The following PATJ variants were observed in gnomAD, a reference collection of about 807,000 sequenced individuals.
PATJ encodes the protein inaD-like protein.
Under a neutral mutation model 224.9 loss-of-function variants are expected in PATJ, and 190 were observed. The ratio of observed to expected loss-of-function variants is 0.84; its 90% CI spans 0.75 to 0.95. The LOEUF (loss-of-function observed/expected upper bound fraction) is 0.95. Ranked by LOEUF, PATJ falls within the 40% of genes least tolerant of loss-of-function variation. The pLI, the probability that PATJ is intolerant of heterozygous loss-of-function variation, is 0.00. For missense variants in PATJ, 2,121 were observed against 2,270.3 expected, an observed-to-expected ratio of 0.93 and a Z score of 1.34; for synonymous variants, 769 against 820.3, an observed-to-expected ratio of 0.94 and a Z score of 1.07.
In PATJ at chr1:61,767,113, G is replaced by A. The variant is rs187648409; in HGVS notation, c.384+640G>A. On this transcript the variant is annotated intron_variant, in intron 4 of 43. Transcript: ENST00000642238. ...TGGAAATTAGAACTAATGTAATTTG[G>A]AAAATCTAGAAAACATTTGGAAGGA... is the stretch of plus-strand genomic sequence containing the variant. 5.9e-4 allele frequency among the ~76,000 whole-genome samples: 90 copies of A among 152,132 alleles called. 1 individual carries two copies. The highest frequency in any genetic ancestry group is 2.1e-3 in the African/African-American group (87 of 41,520).
At chr1:61,886,055 A>T (rs1272012169) in intron 22 of PATJ, among the ~76,000 whole-genome samples, 10 of 152,082 alleles carry the variant, frequency 6.6e-5, no homozygotes, top group African/African-American at 2.2e-4. Flanking sequence ...GAGTGATAGC[A>T]TTAGGAGATA....
intron 17 of PATJ, among the ~76,000 whole-genome samples, chr1:61,855,404 A>C (rs952467179): frequency 6.6e-6 from 1 of 152,102 alleles, no homozygotes; most frequent in African/African-American, 2.4e-5. Context: ...GTGATGTTTT[A>C]TTTATTTATT....
At chr1:61,755,619 C>T (rs921731017) in intron 1 of PATJ, among the ~76,000 whole-genome samples, 3 of 152,128 alleles carry the variant, frequency 2.0e-5, no homozygotes, top group Admixed American at 6.5e-5. Flanking sequence ...AGGATAAAGA[C>T]CAGTCTGCTT....
chr1:61,857,068 C>G (rs971806198), intron 18 of PATJ, among the ~76,000 whole-genome samples: 2 of 152,118 alleles, frequency 1.3e-5, no homozygotes, highest in African/African-American at 4.8e-5. Flanking sequence ...TCAAGAACCC[C>G]TATAATGTCA....
chr1:62,106,001 TC>T (rs1662866311), intron 33 of PATJ, among the ~76,000 whole-genome samples: 1 of 126,104 alleles, frequency 7.9e-6, no homozygotes, highest in Non-Finnish European at 1.6e-5. Flanking sequence ...GGCAGGAGAA[TC>T]GCTTGAGCCC....
intron 13 of PATJ, among the ~76,000 whole-genome samples, chr1:61,807,627 T>C (rs1653857843): frequency 6.6e-6 from 1 of 152,222 alleles, no homozygotes; most frequent in South Asian, 2.1e-4. Flanking sequence ...TAGCATCTTG[T>C]ACCGAGGAAT....
At chr1:62,054,898 T>C (rs1199997284) in intron 31 of PATJ, among the ~76,000 whole-genome samples, 1 of 151,556 alleles carries the variant, frequency 6.6e-6, no homozygotes, top group Non-Finnish European at 1.5e-5. Flanking sequence ...CTACGAAAAA[T>C]ACAAAAATTA....
At chr1:61,967,117 G>A (rs12725290) in intron 27 of PATJ, among the ~76,000 whole-genome samples, 28,293 of 152,042 alleles carry the variant, frequency 0.19, 2,772 homozygotes, top group Non-Finnish European at 0.21. Flanking sequence ...AGTTGCTCTG[G>A]TTCAAACACC....
chr1:62,073,065 G>A (rs893555040), intron 31 of PATJ: 26 of 985,140 alleles, frequency 2.6e-5, no homozygotes, highest in Non-Finnish European at 3.0e-5. Flanking sequence ...TGGCAGATCA[G>A]CAGAAGGCAC....
intron 34 of PATJ, 130 bp downstream of exon 34, chr1:62,108,650 ATTCTTTTT>A: frequency 2.0e-6 from 1 of 510,992 alleles, no homozygotes; most frequent in Non-Finnish European, 3.5e-6. Flanking sequence ...TACTTATCAT[ATTCTTTTT>A]TTCTTCAGTG....
intron 28 of PATJ, among the ~76,000 whole-genome samples, chr1:62,017,223 G>A (rs1235920182): frequency 6.6e-6 from 1 of 152,058 alleles, no homozygotes; most frequent in African/African-American, 2.4e-5. Context: ...AACCCAGCCT[G>A]GGCAACATGG....
rs149436844 is a variant in PATJ at position 62,099,138 on chromosome 1, C to T, written c.4378-9299C>T. 7.6e-3 allele frequency among the ~76,000 whole-genome samples: 1,154 copies of T among 152,094 alleles called. 19 individuals are homozygous for T. The highest frequency in any genetic ancestry group is 0.026 in the African/African-American group (1,075 of 41,472). ...CCACCTCCGCCATATTATCAGCCCT[C>T]GTTGGTTTACGGCTTTCCTGCTGAG... On this transcript the variant is annotated intron_variant, in intron 33 of 43. Transcript: ENST00000642238.
At chr1:62,136,768 A>G (rs1666948560) in intron 41 of PATJ, among the ~76,000 whole-genome samples, 1 of 151,614 alleles carries the variant, frequency 6.6e-6, no homozygotes, top group Admixed American at 6.6e-5. Flanking sequence ...GCAGTGGCAC[A>G]ATCATGGCTC....
chr1:61,909,631 C>G (rs1295554665), intron 25 of PATJ, among the ~76,000 whole-genome samples: 1 of 152,110 alleles, frequency 6.6e-6, no homozygotes, highest in South Asian at 2.1e-4. Flanking sequence ...TGCCACTACA[C>G]CTGGTGAATT....
chr1:62,134,132 T>TTA, intron 41 of PATJ, among the ~76,000 whole-genome samples: 1 of 151,914 alleles, frequency 6.6e-6, no homozygotes, highest in Middle Eastern at 3.4e-3. Context: ...GAGTAGAGCA[T>TTA]TATTTAGGGA....
At chr1:61,754,812 C>T (rs1244306332) in intron 1 of PATJ, among the ~76,000 whole-genome samples, 2 of 151,986 alleles carry the variant, frequency 1.3e-5, no homozygotes, top group Non-Finnish European at 1.5e-5. Context: ...GTAGTCCCAG[C>T]GACTCAAGAG....
chr1:62,100,522 G>A (rs780444563), intron 33 of PATJ: 34 of 612,536 alleles, frequency 5.6e-5, no homozygotes, highest in African/African-American at 2.2e-4. Context: ...ACCCAATCAC[G>A]CCTTAAAGGT....
chr1:61,836,437 C>T (rs938495047), intron 17 of PATJ, among the ~76,000 whole-genome samples: 2 of 152,136 alleles, frequency 1.3e-5, no homozygotes, highest in Non-Finnish European at 2.9e-5. Context: ...TTCCTAAAGG[C>T]CATTTTGATT....
rs754426846 is a variant in PATJ at position 62,084,716 on chromosome 1, C to T, written c.4377+68C>T. On this transcript the variant is annotated intron_variant, in intron 33 of 43. Transcript: ENST00000642238. Reference sequence around the variant, plus strand: ...GTTGTTGAGGTTAATTTTGGCCCTGCGCCACAACTCTGCAAGACTTGCCTT... The same window carrying T: ...GTTGTTGAGGTTAATTTTGGCCCTGTGCCACAACTCTGCAAGACTTGCCTT... 2.2e-4 allele frequency: 327 copies of T among 1,495,728 alleles called. 1 individual carries two copies. Among genetic ancestry groups the T allele is most frequent in the Non-Finnish European group, 2.9e-4 (312 of 1,087,120 alleles). 92.7% of individuals were successfully genotyped at this position (1,495,728 alleles called of 1,614,324 possible). A position where few individuals can be genotyped will look rare whatever the true frequency, so the allele number is the denominator to read the frequency against.
Sources: gnomAD v4.1 joint callset for allele counts (sites outside exome capture counted in the v4.1 genomes callset) on GRCh38, gnomAD v4.1.1 for gene constraint, MANE v1.5 for transcripts, NCBI Gene and HGNC (gene_info 2026-07-23, HGNC 2026-07-21) for gene names.